FAM120B: variants seen among roughly 807,000 people sequenced by gnomAD.
FAM120B encodes family with sequence similarity 120 member B, also known as constitutive coactivator of peroxisome proliferator-activated receptor gamma.
FAM120B carries 83 observed loss-of-function variants against 96.3 expected under a neutral mutation model. That is an observed-to-expected ratio of 0.86 (90% CI 0.72 to 1.03). The LOEUF is 1.03. FAM120B is among the 50% of genes least tolerant of loss of function. The pLI is 0.00. For synonymous variants in FAM120B, 407 were observed against 402.7 expected, an observed-to-expected ratio of 1.01 and a Z score of -0.13; for missense variants, 1,027 against 1,121.2, an observed-to-expected ratio of 0.92 and a Z score of 1.20.
chr6:170,316,871 C>T (rs1014677404), intron 1 of FAM120B, among the ~76,000 whole-genome samples: 9 of 152,178 alleles, frequency 5.9e-5, no homozygotes, highest in African/African-American at 9.7e-5. Context: ...TCTGTCACTA[C>T]GGATTAGCAT....
chr6:170,374,997 G>A (rs1040065084), intron 6 of FAM120B, among the ~76,000 whole-genome samples: 26 of 152,214 alleles, frequency 1.7e-4, no homozygotes, highest in African/African-American at 6.3e-4. Flanking sequence ...ACCAAATCCA[G>A]TTCTTCATTG....
At chr6:170,357,331 G>C (rs1224386013) in intron 5 of FAM120B, among the ~76,000 whole-genome samples, 1 of 152,114 alleles carries the variant, frequency 6.6e-6, no homozygotes, top group Non-Finnish European at 1.5e-5. Flanking sequence ...GGCAGGGGAA[G>C]GGGTGGCACC....
chr6:170,364,565 G>A (rs1788657270), intron 6 of FAM120B, among the ~76,000 whole-genome samples: 1 of 152,222 alleles, frequency 6.6e-6, no homozygotes, highest in African/African-American at 2.4e-5. Context: ...AGCATTTGCT[G>A]AGACAGGCAG....
At chr6:170,393,148 CAAAAAA>C (rs66472378) in intron 8 of FAM120B, among the ~76,000 whole-genome samples, 2 of 119,750 alleles carry the variant, frequency 1.7e-5, no homozygotes, top group South Asian at 2.9e-4. Flanking sequence ...CCTGTCTTTA[CAAAAAA>C]AAAAAAAAAA....
intron 1 of FAM120B, among the ~76,000 whole-genome samples, chr6:170,309,180 A>G (rs1349021948): frequency 1.3e-5 from 2 of 152,246 alleles, no homozygotes; most frequent in East Asian, 1.9e-4. Context: ...AGTTATTTTT[A>G]TAGAACTTGA....
At chr6:170,291,481 G>A (rs1046909595), upstream of FAM120B, among the ~76,000 whole-genome samples, 440 of 152,248 alleles carry the variant, frequency 2.9e-3, no homozygotes, top group African/African-American at 1.0e-2. Context: ...TGGCGGGGCC[G>A]CCCCTTCTTC....
intron 5 of FAM120B, among the ~76,000 whole-genome samples, chr6:170,354,522 G>A (rs1330523100): frequency 6.6e-6 from 1 of 152,060 alleles, no homozygotes; most frequent in Non-Finnish European, 1.5e-5. Flanking sequence ...ATCTGACAGA[G>A]GTCTAATATC....
chr6:170,328,755 TC>T (rs1785786129), intron 3 of FAM120B, among the ~76,000 whole-genome samples: 1 of 152,222 alleles, frequency 6.6e-6, no homozygotes, highest in African/African-American at 2.4e-5. Context: ...TTTGTTGACT[TC>T]CTCCTACAGG....
rs760475831 is a variant in FAM120B, at chr6:170,370,451, C to T, written c.2283+12133C>T. Among the ~76,000 whole-genome samples the T allele has an allele frequency of 1.3e-5, 2 of 152,188 alleles. No homozygotes were observed. The highest frequency in any genetic ancestry group is 2.9e-5 in the Non-Finnish European group (2 of 68,036). The stretch of plus-strand genomic sequence containing the variant: ...TGTAGGGCTCCCAGTTTCTCTGTGC[C>T]CCTGGCTTCCTCTCGCCTTTCCTGG... On this transcript the variant is annotated intron_variant, in intron 6 of 10. Coordinates refer to ENST00000476287, the MANE Select transcript of FAM120B (RefSeq NM_032448.3). This position sits in a 1 kb window ranked among gnomAD's most constrained non-coding sequence, Gnocchi z 4.3.
In FAM120B at chr6:170,406,812, G is replaced by A. The variant is rs965331680; in HGVS notation, c.*2061G>A. On this transcript the variant is annotated 3_prime_UTR_variant, in exon 11 of 11. Transcript: ENST00000476287. ...ATAAATTCCTCATCCCTTAGACTAA[G>A]AGAGTGGGTGTCTGTGAAAATTGTT... 2.0e-5 allele frequency: 3 copies of A among 152,178 alleles called. No homozygotes were observed. Among genetic ancestry groups the A allele is most frequent in the Admixed American group, 6.5e-5 (1 of 15,284 alleles). 9.4% of individuals were successfully genotyped at this position (152,178 alleles called of 1,614,324 possible). A position where few individuals can be genotyped will look rare whatever the true frequency, so the allele number is the denominator to read the frequency against.
intron 6 of FAM120B, among the ~76,000 whole-genome samples, chr6:170,377,203 A>C (rs1487873173): frequency 9.4e-6 from 1 of 106,508 alleles, no homozygotes; most frequent in African/African-American, 4.5e-5. Context: ...ACACGAGCTC[A>C]CGCTGCTCGG....
intron 9 of FAM120B, among the ~76,000 whole-genome samples, chr6:170,397,915 G>C (rs947674089): frequency 6.6e-6 from 1 of 152,220 alleles, no homozygotes; most frequent in Non-Finnish European, 1.5e-5. Context: ...ACTGGGCAGG[G>C]CGTGCTGTCA....
chr6:170,346,230 A>G (rs1253646168), intron 4 of FAM120B, among the ~76,000 whole-genome samples: 1 of 152,028 alleles, frequency 6.6e-6, no homozygotes, highest in Non-Finnish European at 1.5e-5. Context: ...GCAATGAAAC[A>G]CAGGTAAAAT....
At chr6:170,291,679 G>C (rs975337765), upstream of FAM120B, among the ~76,000 whole-genome samples, 2 of 152,160 alleles carry the variant, frequency 1.3e-5, no homozygotes, top group African/African-American at 4.8e-5. Flanking sequence ...ACTGAGCCTC[G>C]GGGAGTGCAG....
At chr6:170,323,355 G>A in intron 3 of FAM120B, 96 bp downstream of exon 3, 1 of 1,019,518 alleles carries the variant, frequency 9.8e-7, no homozygotes, top group Non-Finnish European at 1.5e-6. Flanking sequence ...TTCAAGACAT[G>A]GAGACAATTA....
intron 8 of FAM120B, 73 bp from the exon 9 acceptor site, chr6:170,395,414 C>T (rs929922859): frequency 4.1e-6 from 5 of 1,228,586 alleles, no homozygotes; most frequent in Non-Finnish European, 5.9e-6. Context: ...TGCCTTGCCA[C>T]CCTTTACATG....
rs1554286439 is a variant in FAM120B at position 170,361,222 on chromosome 6, A to ATATATATATACG, written c.2283+2914_2283+2915insCGTATATATATA. Among the ~76,000 whole-genome samples the ATATATATATACG allele has an allele frequency of 1.5e-3, 152 of 101,978 alleles. 10 individuals carry two copies. The East Asian group carries it at 0.03, about 20-fold the overall frequency. 66.9% of individuals were successfully genotyped at this position (101,978 alleles called of 152,430 possible). On this transcript the variant is annotated intron_variant, in intron 6 of 10. Coordinates refer to ENST00000476287, the MANE Select transcript of FAM120B (RefSeq NM_032448.3). ...TGTATATATATATATATATATATAT[A>ATATATATATACG]TATATATATATATACACGTATATAT... is the stretch of plus-strand genomic sequence containing the variant.
At chr6:170,310,600 C>T (rs1784533343) in intron 1 of FAM120B, among the ~76,000 whole-genome samples, 1 of 152,182 alleles carries the variant, frequency 6.6e-6, no homozygotes, top group South Asian at 2.1e-4. Context: ...AGTTTGCTGC[C>T]TCCCCAAAGT....
upstream of FAM120B, among the ~76,000 whole-genome samples, chr6:170,293,969 C>T (rs962817305): frequency 6.6e-6 from 1 of 152,154 alleles, no homozygotes; most frequent in East Asian, 1.9e-4. Context: ...ATTGGGAAGA[C>T]AAGGGGAGCC....
Sources: allele counts gnomAD v4.1 joint callset (sites outside exome capture counted in the v4.1 genomes callset), GRCh38; gene constraint gnomAD v4.1.1; non-coding constraint Gnocchi (gnomAD v3.1); transcripts MANE v1.5; gene names NCBI Gene and HGNC (gene_info 2026-07-23, HGNC 2026-07-21).